Variants in PDE6A observed in about 807,000 individuals in gnomAD.
PDE6A encodes phosphodiesterase 6A.
In PDE6A, 84 loss-of-function variants were observed where a neutral mutation model predicts 106.3. The ratio of observed to expected loss-of-function variants is 0.79; its 90% CI spans 0.66 to 0.95. The LOEUF (loss-of-function observed/expected upper bound fraction) is 0.95, where lower values mean the gene tolerates loss of function less well. Among genes scored for constraint, PDE6A ranks in the 40% least tolerant of loss-of-function variants. The probability of loss-of-function intolerance (pLI) is 0.00; values close to 1 mark genes in which losing one functional copy is unlikely to be tolerated. For missense variants in PDE6A, 1,052 were observed against 1,084.9 expected (o/e 0.97, Z 0.43); for synonymous variants, 394 against 386.6 (o/e 1.02, Z -0.23).
At chr5:149,903,212 AT>A (rs1753051946) in intron 8 of PDE6A, among the ~76,000 whole-genome samples, 1 of 150,306 alleles carries the variant, frequency 6.7e-6, no homozygotes, top group African/African-American at 2.4e-5. Flanking sequence ...GCAAAGTGGC[AT>A]TTTGATTATA....
Position 149,907,356 on chromosome 5 carries a change from C to T in PDE6A, c.1021G>A (p.Ala341Thr). The T allele has an allele frequency of 1.9e-6, 3 of 1,613,984 alleles. No individual in the cohort carries two copies. Among genetic ancestry groups the T allele is most frequent in the Non-Finnish European group, 2.5e-6 (3 of 1,179,888 alleles). ...TAAGCTGGGAGACCGCTTACTAAAG[C>T]CCAATGGTCAGGAGGTGGATTCCTG... Reference protein sequence around the residue: ...VIPNPPPDHWALVSGLPAYVA... With the variant: ...VIPNPPPDHWTLVSGLPAYVA... Residue 341 changes from alanine (A) to threonine (T), a missense_variant, in exon 7 of 22, where the codon GCT becomes ACT. Transcript: ENST00000255266.
At chr5:149,876,913 T>TGATAGATAGATAGATAGATAGATA (rs201047279) in intron 17 of PDE6A, among the ~76,000 whole-genome samples, 33 of 151,362 alleles carry the variant, frequency 2.2e-4, no homozygotes, top group Middle Eastern at 3.4e-3. Context: ...TGATGAGAGA[T>TGATAGATAGATAGATAGATAGATA]GATAGATAGA....
chr5:149,941,376 G>A (rs1396656176), intron 1 of PDE6A, among the ~76,000 whole-genome samples: 1 of 152,182 alleles, frequency 6.6e-6, no homozygotes, highest in Non-Finnish European at 1.5e-5. Context: ...TGGGCAGAGG[G>A]CTATGTGGAG....
rs1408682898 is a variant in PDE6A at position 149,863,759 on chromosome 5, A to T, written c.2359-493T>A. Among the ~76,000 whole-genome samples, 1 of 151,696 alleles carries T rather than the reference A, an allele frequency of 6.6e-6. No individual in the cohort carries two copies. Among genetic ancestry groups the T allele is most frequent in the African/African-American group, 2.4e-5 (1 of 41,334 alleles). On this transcript the variant is annotated intron_variant, in intron 20 of 21. Transcript: ENST00000255266. The surrounding 1 kb of genome is among the most constrained non-coding windows in gnomAD (Gnocchi z 4.7). ...CCACCTCAGCCTCCCAAGTAGCTGGAACTACAGGCTCATGCCACCACACCC... is the reference window on the plus strand; with the variant it reads ...CCACCTCAGCCTCCCAAGTAGCTGGTACTACAGGCTCATGCCACCACACCC...
At position 149,891,904 on chromosome 5, in the gene PDE6A, G is replaced by A. The variant is rs184493430; in HGVS notation, c.1728+3279C>T. The stretch of plus-strand genomic sequence containing the variant: ...ATTTCCAGCACCCACTGGATCATCT[G>A]AACACTTACAAATGGATTTCACTTA... On this transcript the variant is annotated intron_variant, in intron 13 of 21. Coordinates refer to ENST00000255266, the MANE Select transcript of PDE6A (RefSeq NM_000440.3). Among the ~76,000 whole-genome samples the A allele has an allele frequency of 4.6e-3, 702 of 152,268 alleles. 6 individuals are homozygous for A. Among genetic ancestry groups the A allele is most frequent in the Non-Finnish European group, 6.0e-3 (408 of 68,026 alleles).
At chr5:149,890,315 TC>T (rs1300196544) in intron 13 of PDE6A, among the ~76,000 whole-genome samples, 3 of 152,172 alleles carry the variant, frequency 2.0e-5, no homozygotes, top group African/African-American at 7.2e-5. Flanking sequence ...TTGGAATTTT[TC>T]AGATGAACCC....
chr5:149,944,359 G>T lies in PDE6A; in HGVS notation c.315C>A (p.Ile105=). 1 of 1,614,110 alleles carries T rather than the reference G, an allele frequency of 6.2e-7. No individual in the cohort carries two copies. The highest frequency in any genetic ancestry group is 8.5e-7 in the Non-Finnish European group (1 of 1,180,012). ...SLFMYRTRNG[I]AELATRLFNV... ...TGAAAAGCCTGGTGGCCAGCTCTGCGATGCCATTGCGGGTCCGGTACATGA... is the reference window on the plus strand; with the variant it reads ...TGAAAAGCCTGGTGGCCAGCTCTGCTATGCCATTGCGGGTCCGGTACATGA... Residue 105 remains isoleucine (I), a synonymous_variant, in exon 1 of 22, where the codon ATC becomes ATA. Transcript: ENST00000255266.
intron 4 of PDE6A, among the ~76,000 whole-genome samples, chr5:149,925,343 G>A (rs527346215): frequency 5.5e-4 from 84 of 152,242 alleles, no homozygotes; most frequent in African/African-American, 2.0e-3. Context: ...AACAGAATGA[G>A]TTGGAAATTC....
At chr5:149,884,649 G>C in intron 15 of PDE6A, 70 bp from the exon 16 acceptor site, 1 of 1,434,590 alleles carries the variant, frequency 7.0e-7, no homozygotes, top group South Asian at 1.1e-5. Flanking sequence ...CCTACCAATG[G>C]CCACCCCAGA....
intron 18 of PDE6A, 60 bp from the exon 19 acceptor site, chr5:149,867,859 T>C (rs1053961573): frequency 2.0e-6 from 3 of 1,480,670 alleles, no homozygotes; most frequent in Non-Finnish European, 2.8e-6. Context: ...CCCCTACCCC[T>C]GCTCCCACCC....
Position 149,858,201 on chromosome 5 carries a change from C to T in PDE6A, c.*2694G>A, listed in dbSNP as rs1760004381. 6.6e-6 allele frequency: 1 copy of T among 152,116 alleles called. No homozygotes were observed. The highest frequency in any genetic ancestry group is 1.5e-5 in the Non-Finnish European group (1 of 68,032). The allele number at this position is 152,116 out of a possible 1,614,324, so 9.4% of individuals were successfully genotyped here. A position where few individuals can be genotyped will look rare whatever the true frequency, so the allele number is the denominator to read the frequency against. ...AACCATTTCACAATGTATATCAAAA[C>T]ATCACAGTGTATACCTTAAATATGT... On this transcript the variant is annotated 3_prime_UTR_variant, in exon 22 of 22. Coordinates refer to ENST00000255266, the MANE Select transcript of PDE6A (RefSeq NM_000440.3).
At chr5:149,939,723 G>A (rs1754277232) in intron 1 of PDE6A, among the ~76,000 whole-genome samples, 1 of 152,064 alleles carries the variant, frequency 6.6e-6, no homozygotes, top group African/African-American at 2.4e-5. Context: ...ATTTGCCAAG[G>A]CCACATTCTT....
intron 4 of PDE6A, among the ~76,000 whole-genome samples, chr5:149,926,733 AC>A (rs1753873964): frequency 6.6e-6 from 1 of 152,144 alleles, no homozygotes; most frequent in African/African-American, 2.4e-5. Flanking sequence ...TAATCCCAGC[AC>A]TTTGGGAGAC....
intron 1 of PDE6A, among the ~76,000 whole-genome samples, chr5:149,936,207 C>T (rs141817998): frequency 1.7e-5 from 1 of 57,634 alleles, no homozygotes; most frequent in African/African-American, 1.0e-4. Context: ...GGAAGGAATT[C>T]AGAGCATAAT....
intron 14 of PDE6A, among the ~76,000 whole-genome samples, chr5:149,885,674 G>C (rs779238474): frequency 6.6e-6 from 1 of 152,206 alleles, no homozygotes; most frequent in Non-Finnish European, 1.5e-5. Flanking sequence ...AAGTACAGGA[G>C]TTTAATGCAT....
chr5:149,916,352 G>A (rs1035286130), intron 5 of PDE6A, among the ~76,000 whole-genome samples: 1 of 152,178 alleles, frequency 6.6e-6, no homozygotes, highest in African/African-American at 2.4e-5. Context: ...TGGGGAAGTG[G>A]TCAGGAGGTT....
Position 149,886,246 on chromosome 5 carries a change from G to A in PDE6A, c.1838+19C>T, listed in dbSNP as rs746726551. ...TAATGAATCCGGAGGGTTGGGTGTG[G>A]GGAGGGAGGCTGACTCACTTCATCT... is the stretch of plus-strand genomic sequence containing the variant. On this transcript the variant is annotated intron_variant, in intron 14 of 21. Coordinates refer to ENST00000255266, the MANE Select transcript of PDE6A (RefSeq NM_000440.3). 6.5e-7 allele frequency: 1 copy of A among 1,542,220 alleles called. No individual in the cohort carries two copies. The highest frequency in any genetic ancestry group is 1.1e-5 in the South Asian group (1 of 89,606).
intron 4 of PDE6A, among the ~76,000 whole-genome samples, chr5:149,929,163 G>A (rs1753952190): frequency 6.6e-6 from 1 of 152,142 alleles, no homozygotes; most frequent in Non-Finnish European, 1.5e-5. Flanking sequence ...TAATATACTA[G>A]AAGTTTCATA....
At chr5:149,879,319 G>A (rs924624527) in intron 17 of PDE6A, among the ~76,000 whole-genome samples, 2 of 152,044 alleles carry the variant, frequency 1.3e-5, no homozygotes, top group Admixed American at 6.6e-5. Context: ...TGATCCGCCT[G>A]CCTCAGCCTC....
Sources: allele counts gnomAD v4.1 joint callset (sites outside exome capture counted in the v4.1 genomes callset), GRCh38; gene constraint gnomAD v4.1.1; non-coding constraint Gnocchi (gnomAD v3.1); transcripts MANE v1.5; gene names NCBI Gene and HGNC (gene_info 2026-07-23, HGNC 2026-07-21).